DGKB: variants seen among roughly 807,000 people sequenced by gnomAD.
The protein encoded by DGKB is diacylglycerol kinase beta, also known as 90 kDa diacylglycerol kinase.
Under a neutral mutation model 114.3 loss-of-function variants are expected in DGKB, and 67 were observed. The observed-to-expected ratio is 0.59, with a 90% CI of 0.48 to 0.72. The LOEUF (loss-of-function observed/expected upper bound fraction) is 0.72. Ranked by LOEUF, DGKB falls within the 30% of genes least tolerant of loss-of-function variation. The probability of loss-of-function intolerance (pLI) is 0.00; values close to 1 mark genes in which losing one functional copy is unlikely to be tolerated. For synonymous variants in DGKB, 398 were observed against 323.1 expected (o/e 1.23, Z -2.49); for missense variants, 907 against 975.2 (o/e 0.93, Z 0.93).
In DGKB at chr7:14,499,102, C is replaced by T. The variant is rs138275824; in HGVS notation, c.1771-20877G>A. Among the ~76,000 whole-genome samples the T allele has an allele frequency of 1.1e-4, 17 of 151,706 alleles. No individual in the cohort carries two copies. In the East Asian group the frequency reaches 2.7e-3, roughly 24 times the overall value. On this transcript the variant is annotated intron_variant, in intron 20 of 25. Transcript: ENST00000402815. ...ATTCTAAAAAGATAACTCTGTGGTT[C>T]GGTTTTTGAGTTATTATTATTATTT...
chr7:14,681,618 T>A (rs1386634762), intron 12 of DGKB, among the ~76,000 whole-genome samples: 2 of 152,062 alleles, frequency 1.3e-5, no homozygotes, highest in African/African-American at 4.8e-5. Context: ...GTAACACGAA[T>A]ACTCACTCTA....
intron 23 of DGKB, among the ~76,000 whole-genome samples, chr7:14,258,677 A>G (rs966859989): frequency 2.0e-5 from 3 of 152,220 alleles, no homozygotes; most frequent in African/African-American, 7.2e-5. Context: ...TTATGGAAAT[A>G]CGCATAAGCA....
chr7:14,613,980 G>C (rs549785325), intron 15 of DGKB, among the ~76,000 whole-genome samples: 1 of 152,208 alleles, frequency 6.6e-6, no homozygotes, highest in Non-Finnish European at 1.5e-5. Flanking sequence ...CCTCCTTGCT[G>C]AATAGGTTGC....
intron 12 of DGKB, among the ~76,000 whole-genome samples, chr7:14,676,461 T>C (rs577984890): frequency 2.0e-5 from 3 of 152,258 alleles, no homozygotes; most frequent in African/African-American, 7.2e-5. Flanking sequence ...GATAAATGCT[T>C]GAAAGGATGG....
intron 1 of DGKB, among the ~76,000 whole-genome samples, chr7:14,962,318 G>C (rs568985986): frequency 3.3e-5 from 5 of 152,210 alleles, no homozygotes; most frequent in South Asian, 2.1e-4. Flanking sequence ...TTCAGCAACA[G>C]AATTTTAAAA....
chr7:14,867,553 T>A (rs1851864361), intron 1 of DGKB, among the ~76,000 whole-genome samples: 2 of 152,120 alleles, frequency 1.3e-5, no homozygotes, highest in African/African-American at 4.8e-5. Flanking sequence ...TGATTTTGTG[T>A]TTCCTGATAG....
chr7:14,647,997 C>T (rs1034010618), intron 13 of DGKB, among the ~76,000 whole-genome samples: 6 of 152,218 alleles, frequency 3.9e-5, no homozygotes, highest in African/African-American at 9.6e-5. Context: ...GGGTCCTACG[C>T]CCACGGAGTC....
chr7:14,611,590 G>A (rs1030843619), intron 16 of DGKB, among the ~76,000 whole-genome samples: 2 of 151,958 alleles, frequency 1.3e-5, no homozygotes, highest in Non-Finnish European at 2.9e-5. Context: ...TTGACTTCGC[G>A]TGGTCCCAGT....
At chr7:14,164,817 C>G (rs1372612553) in intron 25 of DGKB, among the ~76,000 whole-genome samples, 1 of 151,950 alleles carries the variant, frequency 6.6e-6, no homozygotes, top group African/African-American at 2.4e-5. Context: ...GAAGAAAATT[C>G]AGATGTATTA....
At chr7:14,411,090 C>T (rs376976426) in intron 21 of DGKB, among the ~76,000 whole-genome samples, 3 of 152,070 alleles carry the variant, frequency 2.0e-5, no homozygotes, top group African/African-American at 4.8e-5. Context: ...GCCACACCAT[C>T]GGGAGGGTAA....
At chr7:14,688,788 C>T (rs1160992253) in intron 9 of DGKB, among the ~76,000 whole-genome samples, 2 of 151,658 alleles carry the variant, frequency 1.3e-5, no homozygotes, top group Non-Finnish European at 2.9e-5. Flanking sequence ...AACCTATTAT[C>T]CTAGTGATTC....
intron 1 of DGKB, among the ~76,000 whole-genome samples, chr7:14,853,739 G>A (rs1387798210): frequency 6.6e-6 from 1 of 151,246 alleles, no homozygotes; most frequent in East Asian, 2.0e-4. Flanking sequence ...GTGGTGGTGG[G>A]CGCCTGTAGT....
intron 12 of DGKB, among the ~76,000 whole-genome samples, chr7:14,681,847 T>G (rs1410974381): frequency 6.6e-6 from 1 of 152,084 alleles, no homozygotes; most frequent in African/African-American, 2.4e-5. Context: ...AAAGACCAAT[T>G]TATCTCTTCT....
intron 12 of DGKB, among the ~76,000 whole-genome samples, chr7:14,678,539 A>G (rs1157334498): frequency 6.6e-6 from 1 of 152,018 alleles, no homozygotes; most frequent in East Asian, 1.9e-4. Context: ...GGGTGTGTGT[A>G]GAAGAGGAAT....
rs1835260690 is a variant in DGKB at position 14,758,887 on chromosome 7, AGAT to A, written c.71-1159_71-1157del. ...GGTTTGTGTATGTGTGTGAAACAAT[AGAT>A]AGATAGATAGATAGATAGATAGATA... On this transcript the variant is annotated intron_variant, in intron 2 of 25. Transcript: ENST00000402815. 7.3e-5 allele frequency among the ~76,000 whole-genome samples: 4 copies of A among 54,934 alleles called. No homozygotes were observed. In the South Asian group the frequency reaches 1.9e-3, roughly 27 times the overall value. The allele number at this position is 54,934 out of a possible 152,430, so 36.0% of individuals were successfully genotyped here.
intron 23 of DGKB, among the ~76,000 whole-genome samples, chr7:14,213,830 C>A (rs1418921447): frequency 6.6e-6 from 1 of 152,114 alleles, no homozygotes; most frequent in East Asian, 1.9e-4. Flanking sequence ...CAAGTCTGAA[C>A]AATATCAGCT....
intron 13 of DGKB, among the ~76,000 whole-genome samples, chr7:14,648,888 G>A (rs1258647955): frequency 7.6e-6 from 1 of 131,830 alleles, no homozygotes. Context: ...TGGAAGAAAG[G>A]GTATCAGCAA....
At position 14,698,066 on chromosome 7, in the gene DGKB, G is replaced by C. The variant is rs780349238; in HGVS notation, c.591+29C>G. ...AAAGAAAGAGGCCTTCCAGAATTTA[G>C]CCAATAGTGAAATCATTCATATACC... On this transcript the variant is annotated intron_variant, in intron 8 of 25. Transcript: ENST00000402815. 4 of 1,287,664 alleles carry C rather than the reference G, an allele frequency of 3.1e-6. No homozygotes were observed. In the African/African-American group the frequency reaches 4.5e-5, roughly 14 times the overall value. The allele number at this position is 1,287,664 out of a possible 1,614,324, so 79.8% of individuals were successfully genotyped here.
chr7:14,150,947 C>T (rs1051684310), intron 25 of DGKB, among the ~76,000 whole-genome samples: 12 of 151,996 alleles, frequency 7.9e-5, no homozygotes, highest in Non-Finnish European at 7.4e-5. Flanking sequence ...ACAAGCTCTG[C>T]CCCCAAGAAA....
Sources: allele counts gnomAD v4.1 joint callset (sites outside exome capture counted in the v4.1 genomes callset), GRCh38; gene constraint gnomAD v4.1.1; transcripts MANE v1.5; gene names NCBI Gene and HGNC (gene_info 2026-07-23, HGNC 2026-07-21).